Variants in MTUS2 observed in about 807,000 individuals in gnomAD.
The protein encoded by MTUS2 is microtubule-associated tumor suppressor candidate 2.
In MTUS2, 40 loss-of-function variants were observed where a neutral mutation model predicts 114.1. The ratio of observed to expected loss-of-function variants is 0.35; its 90% CI spans 0.27 to 0.46. MTUS2 has a LOEUF of 0.46. Ranked by LOEUF, MTUS2 falls within the 20% of genes least tolerant of loss-of-function variation. MTUS2 has a pLI of 1.00. For synonymous variants in MTUS2, 688 were observed against 672.0 expected, an observed-to-expected ratio of 1.02 and a Z score of -0.37; for missense variants, 1,679 against 1,705.4, an observed-to-expected ratio of 0.98 and a Z score of 0.27.
intron 9 of MTUS2, among the ~76,000 whole-genome samples, chr13:29,463,221 C>G (rs1879637313): frequency 6.6e-6 from 1 of 152,090 alleles, no homozygotes; most frequent in Non-Finnish European, 1.5e-5. Context: ...TGGGAGCCAC[C>G]AAAGGGAGCA....
At chr13:29,058,711 C>T (rs1265315346) in intron 4 of MTUS2, among the ~76,000 whole-genome samples, 1 of 127,044 alleles carries the variant, frequency 7.9e-6, no homozygotes, top group African/African-American at 3.1e-5. Context: ...TATCCCTCCC[C>T]CCTCCCCCCA....
At chr13:29,369,955 C>G (rs964407773) in intron 8 of MTUS2, among the ~76,000 whole-genome samples, 1 of 152,116 alleles carries the variant, frequency 6.6e-6, no homozygotes, top group Admixed American at 6.5e-5. Flanking sequence ...AAGAAACAAA[C>G]AAGTGCAATA....
At chr13:29,414,872 G>C (rs951275143) in intron 8 of MTUS2, among the ~76,000 whole-genome samples, 1 of 151,546 alleles carries the variant, frequency 6.6e-6, no homozygotes, top group Admixed American at 6.6e-5. Flanking sequence ...TTTTTAACTA[G>C]GTATTTAAGT....
intron 7 of MTUS2, among the ~76,000 whole-genome samples, chr13:29,330,217 G>T (rs573222784): frequency 3.3e-5 from 5 of 152,172 alleles, no homozygotes; most frequent in East Asian, 3.9e-4. Context: ...ACATGTGTTT[G>T]TTGGCCACAT....
chr13:29,088,736 A>G (rs2138765767), intron 4 of MTUS2, among the ~76,000 whole-genome samples: 1 of 152,330 alleles, frequency 6.6e-6, no homozygotes, highest in Admixed American at 6.5e-5. Context: ...TTCTCATAAT[A>G]GTGGGCTTAT....
At chr13:28,968,419 T>C (rs1883699762) in intron 2 of MTUS2, among the ~76,000 whole-genome samples, 1 of 152,222 alleles carries the variant, frequency 6.6e-6, no homozygotes. Context: ...TTATGATTTT[T>C]ATATCAGTGA....
At chr13:28,955,649 C>T (rs931416902) in intron 2 of MTUS2, among the ~76,000 whole-genome samples, 1 of 151,860 alleles carries the variant, frequency 6.6e-6, no homozygotes, top group Admixed American at 6.6e-5. Flanking sequence ...CTTTCTTACT[C>T]CCCCTCCCTT....
At chr13:29,469,878 A>G (rs1273320262) in intron 9 of MTUS2, among the ~76,000 whole-genome samples, 1 of 152,084 alleles carries the variant, frequency 6.6e-6, no homozygotes, top group Non-Finnish European at 1.5e-5. Context: ...TGAGATTTCA[A>G]TGCAGCACTC....
chr13:29,468,609 C>A (rs1179214405), intron 9 of MTUS2, among the ~76,000 whole-genome samples: 2 of 151,966 alleles, frequency 1.3e-5, no homozygotes, highest in Non-Finnish European at 2.9e-5. Flanking sequence ...CACACACACA[C>A]ACATTACTGA....
intron 8 of MTUS2, among the ~76,000 whole-genome samples, chr13:29,375,487 A>C (rs7317022): frequency 1.5e-5 from 2 of 132,550 alleles, no homozygotes; most frequent in African/African-American, 5.7e-5. Flanking sequence ...TTAATGGCAA[A>C]AACCGCAATC....
At chr13:29,119,020 G>T (rs993414367) in intron 5 of MTUS2, among the ~76,000 whole-genome samples, 2 of 152,014 alleles carry the variant, frequency 1.3e-5, no homozygotes, top group African/African-American at 4.8e-5. Flanking sequence ...TAAGGAAAAG[G>T]CTCCTAATAT....
chr13:29,180,729 T>TA (rs1294929525), intron 5 of MTUS2, among the ~76,000 whole-genome samples: 2 of 152,180 alleles, frequency 1.3e-5, no homozygotes, highest in Non-Finnish European at 2.9e-5. Context: ...GTTCAGTCAT[T>TA]AATGAACAGG....
At chr13:29,387,547 GAACA>G (rs1170386571) in intron 8 of MTUS2, among the ~76,000 whole-genome samples, 1 of 152,168 alleles carries the variant, frequency 6.6e-6, no homozygotes, top group Non-Finnish European at 1.5e-5. Context: ...CTCTTGTACA[GAACA>G]AACAAAGGAG....
chr13:28,925,780 A>G (rs1411658902), intron 2 of MTUS2, among the ~76,000 whole-genome samples: 1 of 152,248 alleles, frequency 6.6e-6, no homozygotes, highest in Admixed American at 6.5e-5. Context: ...ATGGAACAAT[A>G]TATGCAGAGC....
chr13:29,148,902 T>G (rs555975941), intron 5 of MTUS2, among the ~76,000 whole-genome samples: 1 of 152,226 alleles, frequency 6.6e-6, no homozygotes, highest in Non-Finnish European at 1.5e-5. Flanking sequence ...ATGGTGTATA[T>G]GTACCACATT....
At chr13:28,907,842 A>G (rs1462417662) in intron 2 of MTUS2, among the ~76,000 whole-genome samples, 2 of 151,494 alleles carry the variant, frequency 1.3e-5, no homozygotes, top group African/African-American at 4.9e-5. Context: ...TAGACAGATA[A>G]TCGAGACAGA....
At chr13:29,321,605 T>G (rs1900258103) in intron 6 of MTUS2, among the ~76,000 whole-genome samples, 1 of 152,226 alleles carries the variant, frequency 6.6e-6, no homozygotes, top group Admixed American at 6.5e-5. Flanking sequence ...TGGACTAGAC[T>G]TATCTGTCCT....
At chr13:29,294,627 C>T (rs1224818810) in intron 6 of MTUS2, among the ~76,000 whole-genome samples, 1 of 152,114 alleles carries the variant, frequency 6.6e-6, no homozygotes, top group Non-Finnish European at 1.5e-5. Flanking sequence ...GGAAAAAGCT[C>T]ATGGGGCAAA....
At chr13:29,350,986 T>TATA (rs1369324838) in intron 7 of MTUS2, among the ~76,000 whole-genome samples, 1 of 142,942 alleles carries the variant, frequency 7.0e-6, no homozygotes, top group Admixed American at 6.9e-5. Context: ...TATATATATC[T>TATA]TCAGAGGACA....
Sources: allele counts gnomAD v4.1 joint callset (sites outside exome capture counted in the v4.1 genomes callset), GRCh38; gene constraint gnomAD v4.1.1; transcripts MANE v1.5; gene names NCBI Gene and HGNC (gene_info 2026-07-23, HGNC 2026-07-21).